Variants in SUGCT observed in about 807,000 individuals in gnomAD.
SUGCT encodes the protein succinyl-CoA:glutarate CoA-transferase.
A neutral mutation model predicts 55.0 loss-of-function variants in SUGCT; 41 were observed. The ratio of observed to expected loss-of-function variants is 0.74; its 90% CI spans 0.58 to 0.97. SUGCT has a LOEUF of 0.97. Among genes scored for constraint, SUGCT ranks in the 50% least tolerant of loss-of-function variants. The probability of loss-of-function intolerance (pLI) is 0.00; values close to 1 mark genes in which losing one functional copy is unlikely to be tolerated. For synonymous variants in SUGCT, 187 were observed against 200.4 expected (o/e 0.93, Z 0.56); for missense variants, 568 against 547.8 (o/e 1.04, Z -0.37).
chr7:40,432,268 C>A (rs972721923), intron 9 of SUGCT, among the ~76,000 whole-genome samples: 2 of 152,126 alleles, frequency 1.3e-5, no homozygotes, highest in African/African-American at 2.4e-5. Context: ...TAGAATTTTT[C>A]TTTCAGCACT....
the SUGCT span, among the ~76,000 whole-genome samples, chr7:40,987,210 C>G: frequency 0.72 from 109,819 of 151,850 alleles, 40,284 homozygotes; most frequent in Middle Eastern, 0.81. Context: ...GGTCTGAGGG[C>G]GATGCCACTC....
intron 13 of SUGCT, among the ~76,000 whole-genome samples, chr7:40,800,371 C>A (rs1476513983): frequency 6.6e-6 from 1 of 151,584 alleles, no homozygotes; most frequent in Admixed American, 6.6e-5. Context: ...TCACTGCAAC[C>A]TCCGCCTCCT....
chr7:41,000,725 G>A, the SUGCT span, among the ~76,000 whole-genome samples: 1 of 152,154 alleles, frequency 6.6e-6, no homozygotes, highest in African/African-American at 2.4e-5. Context: ...ATAGCTTGTA[G>A]ATGTGTTGGA....
intron 12 of SUGCT, chr7:40,684,103 C>G (rs1315177729): frequency 6.2e-7 from 1 of 1,611,202 alleles, no homozygotes; most frequent in East Asian, 2.2e-5. Context: ...TGGCCCATGG[C>G]CCCTTCCTTC....
chr7:40,618,470 G>A (rs1301389696), intron 12 of SUGCT, among the ~76,000 whole-genome samples: 2 of 152,170 alleles, frequency 1.3e-5, no homozygotes, highest in Non-Finnish European at 2.9e-5. Context: ...AATTGCACAT[G>A]ACCAAGTAAC....
At chr7:40,362,084 A>C (rs373207830) in intron 9 of SUGCT, among the ~76,000 whole-genome samples, 1 of 152,092 alleles carries the variant, frequency 6.6e-6, no homozygotes, top group Non-Finnish European at 1.5e-5. Context: ...TCTTTAGAAC[A>C]TCAGGTGTGG....
At chr7:40,877,270 A>T in the SUGCT span, among the ~76,000 whole-genome samples, 1 of 152,232 alleles carries the variant, frequency 6.6e-6, no homozygotes, top group Non-Finnish European at 1.5e-5. Flanking sequence ...CTTTCATGTT[A>T]TACCCAAATG....
intron 13 of SUGCT, chr7:40,782,665 A>G (rs1789815857): frequency 6.6e-6 from 1 of 152,026 alleles, no homozygotes; most frequent in South Asian, 2.1e-4. Context: ...CCTAAATATA[A>G]GAAGAGAATC....
At chr7:40,802,080 A>T (rs2128751305) in intron 13 of SUGCT, among the ~76,000 whole-genome samples, 1 of 152,178 alleles carries the variant, frequency 6.6e-6, no homozygotes, top group Non-Finnish European at 1.5e-5. Context: ...GGAAACAGTG[A>T]CTTGAAATGG....
At chr7:40,250,276 T>C (rs1241876933) in intron 7 of SUGCT, among the ~76,000 whole-genome samples, 1 of 152,010 alleles carries the variant, frequency 6.6e-6, no homozygotes, top group African/African-American at 2.4e-5. Flanking sequence ...GGTGCCTGCC[T>C]GTAGTCCCAG....
intron 12 of SUGCT, among the ~76,000 whole-genome samples, chr7:40,505,852 C>G (rs888196148): frequency 6.6e-6 from 1 of 151,854 alleles, no homozygotes; most frequent in African/African-American, 2.4e-5. Context: ...TAGTTTCTTG[C>G]TATTGATTTG....
intron 9 of SUGCT, among the ~76,000 whole-genome samples, chr7:40,391,354 G>C (rs143551138): frequency 0.016 from 2,440 of 152,192 alleles, 71 homozygotes; most frequent in African/African-American, 0.055. Context: ...GCAACCTACA[G>C]AATGGGAGAA....
intron 7 of SUGCT, among the ~76,000 whole-genome samples, chr7:40,250,930 G>A (rs1272484792): frequency 3.3e-5 from 5 of 149,656 alleles, no homozygotes; most frequent in African/African-American, 1.0e-4. Flanking sequence ...TCTGCCTCCC[G>A]GGTTCAAGCG....
the SUGCT span, among the ~76,000 whole-genome samples, chr7:40,995,916 A>G: frequency 6.6e-6 from 1 of 152,188 alleles, no homozygotes; most frequent in African/African-American, 2.4e-5. Context: ...TTTGTTGGAT[A>G]AAAGCAAAGT....
chr7:40,973,773 A>C, the SUGCT span, among the ~76,000 whole-genome samples: 1 of 152,172 alleles, frequency 6.6e-6, no homozygotes, highest in Non-Finnish European at 1.5e-5. Context: ...CCTTTACTTC[A>C]ATCACAAAAT....
At chr7:40,286,699 A>T (rs1033361366) in intron 8 of SUGCT, among the ~76,000 whole-genome samples, 1 of 152,216 alleles carries the variant, frequency 6.6e-6, no homozygotes, top group Non-Finnish European at 1.5e-5. Flanking sequence ...TGTGATTGGT[A>T]CTAAATCTGG....
chr7:41,019,766 A>ATCTC, the SUGCT span, among the ~76,000 whole-genome samples: 1 of 152,198 alleles, frequency 6.6e-6, no homozygotes, highest in Non-Finnish European at 1.5e-5. Flanking sequence ...TATCTGTAAA[A>ATCTC]TCTCTGGTCT....
At chr7:40,949,808 G>T in the SUGCT span, among the ~76,000 whole-genome samples, 1 of 152,052 alleles carries the variant, frequency 6.6e-6, no homozygotes, top group Non-Finnish European at 1.5e-5. Flanking sequence ...TGTTCCACTG[G>T]TCTATATCTC....
intron 13 of SUGCT, among the ~76,000 whole-genome samples, chr7:40,827,018 C>CTT (rs952317642): frequency 6.6e-6 from 1 of 152,122 alleles, no homozygotes; most frequent in African/African-American, 2.4e-5. Flanking sequence ...TCTTCATTTT[C>CTT]TTTTGGTGCT....
Sources: gnomAD v4.1 joint callset for allele counts (sites outside exome capture counted in the v4.1 genomes callset) on GRCh38, gnomAD v4.1.1 for gene constraint, MANE v1.5 for transcripts, NCBI Gene and HGNC (gene_info 2026-07-23, HGNC 2026-07-21) for gene names.